Variants in KATNB1 observed in about 807,000 individuals in gnomAD.
The protein encoded by KATNB1 is katanin p80 WD40 repeat-containing subunit B1.
Under a neutral mutation model 82.3 loss-of-function variants are expected in KATNB1, and 38 were observed. The observed-to-expected ratio is 0.46, with a 90% CI of 0.36 to 0.61. The LOEUF is 0.61. Ranked by LOEUF, KATNB1 falls within the 20% of genes least tolerant of loss-of-function variation. KATNB1 has a pLI of 0.00. For missense variants in KATNB1, 749 were observed against 915.7 expected (o/e 0.82, Z 2.35); for synonymous variants, 361 against 368.7 (o/e 0.98, Z 0.24).
At position 57,756,987 on chromosome 16, in the gene KATNB1, T is replaced by C. The variant is rs1415697960; in HGVS notation, c.*41T>C. The C allele has an allele frequency of 3.4e-6, 5 of 1,468,710 alleles. No homozygotes were observed. The African/African-American group carries it at 7.1e-5, about 21-fold the overall frequency. The allele number at this position is 1,468,710 out of a possible 1,614,324, so 91.0% of individuals were successfully genotyped here. A position where few individuals can be genotyped will look rare whatever the true frequency, so the allele number is the denominator to read the frequency against. On this transcript the variant is annotated 3_prime_UTR_variant, in exon 20 of 20. Coordinates refer to ENST00000379661, the MANE Select transcript of KATNB1 (RefSeq NM_005886.3). ...GGGGCGCTCGGCAGCCCACAGGGCC[T>C]GGCCTCAGCCCCCACTCCTGTTCCT...
rs782803998 is a variant in KATNB1 at position 57,755,911 on chromosome 16, A to G, written c.1637A>G (p.Gln546Arg). The G allele has an allele frequency of 6.3e-7, 1 of 1,599,658 alleles. No homozygotes were observed. Among genetic ancestry groups the G allele is most frequent in the Non-Finnish European group, 8.6e-7 (1 of 1,168,886 alleles). The change falls in exon 17 of 20, where the codon CAG (glutamine) becomes CGG (arginine). Residue 546 changes from glutamine to arginine, a missense_variant. This residue lies in a region of KATNB1 where 407 missense variants were observed against 434.7 expected (regional missense o/e 0.94). Transcript: ENST00000379661. The stretch of plus-strand genomic sequence containing the variant: ...GTGGACCTCCTGAACATCGTCAACC[A>G]GAAAGCGTAAGTGGCTGCAGAGGGG... ...VVVDLLNIVN[Q>R]KASLWKLDLC... is the part of the protein sequence containing the mutation.
chr16:57,756,732 C>T, intron 19 of KATNB1, 82 bp from the exon 20 acceptor site: 7 of 1,454,090 alleles, frequency 4.8e-6, no homozygotes, highest in Non-Finnish European at 6.4e-6. Flanking sequence ...AGGGCTGGAG[C>T]AGTTAGGACA....
rs782655224 is a variant in KATNB1, at chr16:57,752,954, C to T, written c.855+26C>T. On this transcript the variant is annotated intron_variant, in intron 10 of 19. Coordinates refer to ENST00000379661, the MANE Select transcript of KATNB1 (RefSeq NM_005886.3). ...GTGAGAGAGCCATGGCACCCACCGCCCCCCACTCCCACAGGGCCACCCGCC... is the reference window on the plus strand; with the variant it reads ...GTGAGAGAGCCATGGCACCCACCGCTCCCCACTCCCACAGGGCCACCCGCC... 2.1e-5 allele frequency: 34 copies of T among 1,598,874 alleles called. No homozygotes were observed. The South Asian group carries it at 3.3e-4, about 16-fold the overall frequency.
At chr16:57,740,091 A>G (rs1452197869) in intron 2 of KATNB1, among the ~76,000 whole-genome samples, 1 of 152,134 alleles carries the variant, frequency 6.6e-6, no homozygotes, top group Non-Finnish European at 1.5e-5. Context: ...TTGAACAGAC[A>G]CGTCTGTGGC....
chr16:57,752,142 G>A lies in KATNB1; in HGVS notation c.632+87G>A, dbSNP rs1203018509. On this transcript the variant is annotated intron_variant, in intron 8 of 19. Transcript: ENST00000379661. ...TGCGTGTCTCTACTGCCGGTCTGTC[G>A]CTGTCTGGGGTGTCATACGTCTGAT... 1.3e-5 allele frequency: 11 copies of A among 845,624 alleles called. No homozygotes were observed. The Middle Eastern group carries it at 9.8e-4, about 75-fold the overall frequency. The allele number at this position is 845,624 out of a possible 1,614,324, so 52.4% of individuals were successfully genotyped here.
chr16:57,753,414 C>T lies in KATNB1; in HGVS notation c.1072C>T (p.Arg358Cys), dbSNP rs374688182. 1.4e-5 allele frequency: 23 copies of T among 1,612,580 alleles called. No individual in the cohort carries two copies. Among genetic ancestry groups the T allele is most frequent in the South Asian group, 6.6e-5 (6 of 91,052 alleles). ...QRVKQNSESERRSPSSEDDRD... is the reference protein window; with the variant it reads ...QRVKQNSESECRSPSSEDDRD... ...GGTGAAGCAGAACTCAGAGAGCGAG[C>T]GCCGCAGCCCCAGCAGCGAGGATGA... The change falls in exon 12 of 20, where the codon CGC becomes TGC. Residue 358 changes from arginine (R) to cysteine (C), a missense_variant. By Grantham distance (180) the Arg-to-Cys change is radical. Around this residue, in one of 3 missense-constraint regions of KATNB1, gnomAD observed 407 missense variants for 434.7 expected, o/e 0.94. Coordinates refer to ENST00000379661, the MANE Select transcript of KATNB1 (RefSeq NM_005886.3).
At position 57,744,435 on chromosome 16, in the gene KATNB1, C is replaced by T. The variant is rs2049167610; in HGVS notation, c.213C>T (p.Leu71=). The change falls in exon 4 of 20, where the codon CTC becomes CTT. Residue 71 remains leucine, a synonymous_variant. Transcript: ENST00000379661. The part of the protein sequence containing the change: ...GHTSPVESVR[L]NTPEELIVAG... ...CATCCCCAGTGGAGAGCGTCCGCCT[C>T]AACACCCCCGAGGAGCTCATCGTGG... 1 of 1,613,908 alleles carries T rather than the reference C, an allele frequency of 6.2e-7. No individual in the cohort carries two copies. The highest frequency in any genetic ancestry group is 1.7e-5 in the Admixed American group (1 of 60,016).
chr16:57,754,103 C>G (rs2148795846), intron 13 of KATNB1, 108 bp downstream of exon 13: 1 of 915,136 alleles, frequency 1.1e-6, no homozygotes. Context: ...CCTCCCCTCT[C>G]AGGACACGAC....
chr16:57,755,406 A>C lies in KATNB1; in HGVS notation c.1478A>C (p.Lys493Thr), dbSNP rs1256632301. Reference sequence around the variant, plus strand: ...GAGGATGCCATGTCACAGATCCGCAAAGGCCACGACACCATGTGTGTGGTG... The same window carrying C: ...GAGGATGCCATGTCACAGATCCGCACAGGCCACGACACCATGTGTGTGGTG... The part of the protein sequence containing the change: ...VDEDAMSQIR[K>T]GHDTMCVVLT... The change falls in exon 16 of 20, where the codon AAA becomes ACA. Residue 493 changes from lysine (K) to threonine (T), a missense_variant. Coordinates refer to ENST00000379661, the MANE Select transcript of KATNB1 (RefSeq NM_005886.3). The C allele has an allele frequency of 6.2e-7, 1 of 1,613,168 alleles. No individual in the cohort carries two copies. Among genetic ancestry groups the C allele is most frequent in the Non-Finnish European group, 8.5e-7 (1 of 1,180,022 alleles).
chr16:57,749,364 G>A (rs782205019), intron 4 of KATNB1, among the ~76,000 whole-genome samples: 9 of 152,342 alleles, frequency 5.9e-5, no homozygotes, highest in Non-Finnish European at 1.2e-4. Context: ...GAGGAGCGGA[G>A]CCAAGGCTGA....
Position 57,753,469 on chromosome 16 carries a change from T to C in KATNB1, c.1127T>C (p.Ile376Thr). ...DRDERESRAE[I>T]QNAEDYNEIF... ...GACGAGCGCGAGTCCCGCGCGGAGA[T>C]CCAGAACGCCGAGGACTACAACGAG... Residue 376 changes from isoleucine to threonine, a missense_variant, in exon 12 of 20, where the codon ATC (isoleucine) becomes ACC (threonine). By Grantham distance (89) the Ile-to-Thr change is moderately conservative. Coordinates refer to ENST00000379661, the MANE Select transcript of KATNB1 (RefSeq NM_005886.3). 1 of 1,612,962 alleles carries C rather than the reference T, an allele frequency of 6.2e-7. No homozygotes were observed. The highest frequency in any genetic ancestry group is 8.5e-7 in the Non-Finnish European group (1 of 1,179,890).
chr16:57,756,310 C>T lies in KATNB1; in HGVS notation c.1719-46C>T. ...TGTTCCTTGCTGTTTCTCTTTCTGT[C>T]TGTGGCCCTTGGTCCATCTGTGACT... On this transcript the variant is annotated intron_variant, in intron 18 of 19. Coordinates refer to ENST00000379661, the MANE Select transcript of KATNB1 (RefSeq NM_005886.3). The T allele has an allele frequency of 2.0e-6, 3 of 1,520,528 alleles. 1 individual carries two copies. In the East Asian group the frequency reaches 6.8e-5, roughly 34 times the overall value. 94.2% of individuals were successfully genotyped at this position (1,520,528 alleles called of 1,614,324 possible).
Position 57,753,074 on chromosome 16 carries a change from C to T in KATNB1, c.856-3C>T, listed in dbSNP as rs1483753544. 2 of 1,598,614 alleles carry T rather than the reference C, an allele frequency of 1.3e-6. No individual in the cohort carries two copies. The highest frequency in any genetic ancestry group is 3.4e-5 in the Admixed American group (2 of 59,508). ...CCCAGCCCCACCTCTCCGCTTTCTG[C>T]AGATAGGTGTGGCCTTCTCCCAGAG... is the stretch of plus-strand genomic sequence containing the variant. On this transcript the variant is annotated splice_region_variant and splice_polypyrimidine_tract_variant and intron_variant, in intron 10 of 19. Transcript: ENST00000379661.
chr16:57,756,233 T>C (rs1489633022), intron 18 of KATNB1, 123 bp from the exon 19 acceptor site: 8 of 1,081,538 alleles, frequency 7.4e-6, no homozygotes, highest in African/African-American at 1.5e-5. Context: ...AACAGGCGTG[T>C]GTGGGTGTAT....
At position 57,751,993 on chromosome 16, in the gene KATNB1, G is replaced by T; in HGVS notation, c.570G>T (p.Gly190=). 6.2e-7 allele frequency: 1 copy of T among 1,613,704 alleles called. No individual in the cohort carries two copies. Among genetic ancestry groups the T allele is most frequent in the Non-Finnish European group, 8.5e-7 (1 of 1,180,002 alleles). ...TGTCTGAGTTCCCTGGTCACACGGG[G>T]CCTGTCAACGTGGTCGAGTTTCACC... ...KMMSEFPGHT[G]PVNVVEFHPN... Residue 190 remains glycine (G), a synonymous_variant, in exon 8 of 20, where the codon GGG becomes GGT. Coordinates refer to ENST00000379661, the MANE Select transcript of KATNB1 (RefSeq NM_005886.3). The surrounding 1 kb of genome is among the most constrained non-coding windows in gnomAD (Gnocchi z 6.3).
In KATNB1 at chr16:57,755,211, C is replaced by G. The variant is rs372101330; in HGVS notation, c.1389C>G (p.Ile463Met). Reference sequence around the variant, plus strand: ...TCCCTGCCACCCGGAACGAGCCCATCGGGCTGAAGGCCTCCGACTTCCTGC... The same window carrying G: ...TCCCTGCCACCCGGAACGAGCCCATGGGGCTGAAGGCCTCCGACTTCCTGC... ...AIIPATRNEPIGLKASDFLPA... is the reference protein window; with the variant it reads ...AIIPATRNEPMGLKASDFLPA... Residue 463 changes from isoleucine (I) to methionine (M), a missense_variant, in exon 15 of 20, where the codon ATC (isoleucine) becomes ATG (methionine). Physicochemically the swap from Ile to Met is conservative, Grantham distance 10. This residue lies in a region of KATNB1 where 407 missense variants were observed against 434.7 expected (regional missense o/e 0.94). Coordinates refer to ENST00000379661, the MANE Select transcript of KATNB1 (RefSeq NM_005886.3). The G allele has an allele frequency of 1.9e-6, 3 of 1,611,486 alleles. No individual in the cohort carries two copies. The highest frequency in any genetic ancestry group is 3.3e-5 in the Admixed American group (2 of 59,990).
intron 2 of KATNB1, among the ~76,000 whole-genome samples, chr16:57,738,269 T>TC (rs1194158734): frequency 6.6e-6 from 1 of 151,428 alleles, no homozygotes; most frequent in Non-Finnish European, 1.5e-5. Flanking sequence ...CACTTTTTTT[T>TC]TTTTTTGAGA....
chr16:57,749,137 GGGA>G (rs1217228571), intron 4 of KATNB1, among the ~76,000 whole-genome samples: 4 of 152,384 alleles, frequency 2.6e-5, no homozygotes, highest in Admixed American at 6.5e-5. Flanking sequence ...CTGAGGCCTG[GGGA>G]GGAGGAGAGA....
In KATNB1 at chr16:57,753,217, C is replaced by A. The variant is rs557789751; in HGVS notation, c.996C>A (p.Pro332=). 6 of 1,607,322 alleles carry A rather than the reference C, an allele frequency of 3.7e-6. No homozygotes were observed. In the Middle Eastern group the frequency reaches 4.9e-4, roughly 132 times the overall value. Residue 332 remains proline (P), a synonymous_variant, in exon 11 of 20, where the codon CCC becomes CCA. Transcript: ENST00000379661. ...AGCCACTGCCCAACCCCAGCGCCCC[C>A]CTCCGGCGCATCTATGAGCGGCCCA... The part of the protein sequence containing the change: ...LAQPLPNPSA[P]LRRIYERPST...
Sources: gnomAD v4.1 joint callset for allele counts (sites outside exome capture counted in the v4.1 genomes callset) on GRCh38, gnomAD v4.1.1 for gene constraint, gnomAD v4.1.1 regional missense constraint, Gnocchi (gnomAD v3.1) non-coding constraint, MANE v1.5 for transcripts, NCBI Gene and HGNC (gene_info 2026-07-23, HGNC 2026-07-21) for gene names.